Variants in SMCHD1 observed in about 807,000 individuals in gnomAD.
The protein encoded by SMCHD1 is structural maintenance of chromosomes flexible hinge domain containing 1.
Under a neutral mutation model 254.7 loss-of-function variants are expected in SMCHD1, and 78 were observed. That is an observed-to-expected ratio of 0.31 (90% CI 0.26 to 0.37). The LOEUF is 0.37. Ranked by LOEUF, SMCHD1 falls within the 10% of genes least tolerant of loss-of-function variation. The pLI is 1.00. For missense variants in SMCHD1, 1,840 were observed against 2,408.1 expected, an observed-to-expected ratio of 0.76 and a Z score of 4.94; for synonymous variants, 766 against 794.9, an observed-to-expected ratio of 0.96 and a Z score of 0.61.
chr18:2,795,724 G>T (rs947936021), intron 45 of SMCHD1, among the ~76,000 whole-genome samples: 2 of 152,194 alleles, frequency 1.3e-5, no homozygotes, highest in South Asian at 2.1e-4. Flanking sequence ...CCCTGACACA[G>T]AAGTAAACTT....
At position 2,697,094 on chromosome 18, in the gene SMCHD1, T is replaced by A. The variant is rs2074300771; in HGVS notation, c.1103T>A (p.Val368Asp). 6.7e-7 allele frequency: 1 copy of A among 1,500,912 alleles called. No individual in the cohort carries two copies. Among genetic ancestry groups the A allele is most frequent in the African/African-American group, 1.4e-5 (1 of 71,192 alleles). The allele number at this position is 1,500,912 out of a possible 1,614,324, so 93.0% of individuals were successfully genotyped here. Residue 368 changes from valine to aspartate, a missense_variant, in exon 9 of 48, where the codon GTT becomes GAT. Val to Asp is a radical substitution (Grantham distance 152, BLOSUM62 -3). Coordinates refer to ENST00000320876, the MANE Select transcript of SMCHD1 (RefSeq NM_015295.3). ...AATGAAATACGAACATCAAAAGAAG[T>A]TGAACCTTTCAACAATATTGATATT... ...KGNEIRTSKE[V>D]EPFNNIDIEI...
chr18:2,664,903 CTTTAA>C (rs1351921074), intron 1 of SMCHD1, among the ~76,000 whole-genome samples: 2 of 152,216 alleles, frequency 1.3e-5, no homozygotes, highest in Non-Finnish European at 2.9e-5. Flanking sequence ...TGTTCTTTCC[CTTTAA>C]TTTGTCAGTG....
intron 39 of SMCHD1, 30 bp downstream of exon 39, chr18:2,770,138 TATGCTTTGGGGAATG>T (rs2075951719): frequency 1.3e-6 from 2 of 1,589,466 alleles, no homozygotes; most frequent in African/African-American, 2.7e-5. Flanking sequence ...AGACAAAAAT[TATGCTTTGGGGAATG>T]ATGAGGCAGG....
intron 8 of SMCHD1, 86 bp from the exon 9 acceptor site, chr18:2,696,942 GTAAA>G (rs1321643176): frequency 1.3e-5 from 8 of 613,904 alleles, no homozygotes; most frequent in South Asian, 4.6e-5. Flanking sequence ...TTGATACCTA[GTAAA>G]TAGTGTTAAA....
chr18:2,761,551 T>C (rs1294682152), intron 35 of SMCHD1, among the ~76,000 whole-genome samples: 1 of 152,178 alleles, frequency 6.6e-6, no homozygotes, highest in African/African-American at 2.4e-5. Flanking sequence ...GTGCAGTGGC[T>C]CACGCCTGTA....
intron 34 of SMCHD1, among the ~76,000 whole-genome samples, chr18:2,757,981 A>G (rs1203725885): frequency 6.6e-6 from 1 of 152,192 alleles, no homozygotes; most frequent in Admixed American, 6.5e-5. Flanking sequence ...TGGTAATAGT[A>G]TACCAACTTT....
intron 36 of SMCHD1, among the ~76,000 whole-genome samples, chr18:2,763,175 A>C (rs1470846774): frequency 6.6e-6 from 1 of 152,228 alleles, no homozygotes; most frequent in Non-Finnish European, 1.5e-5. Context: ...TTGTTGGGGT[A>C]AACGGTGCCA....
chr18:2,723,603 T>C (rs748761698), intron 20 of SMCHD1, among the ~76,000 whole-genome samples: 2 of 152,130 alleles, frequency 1.3e-5, no homozygotes, highest in Non-Finnish European at 2.9e-5. Context: ...GGGGTGGGAA[T>C]TGGGGAGGAG....
chr18:2,656,957 A>G (rs544915575), intron 1 of SMCHD1, among the ~76,000 whole-genome samples: 75 of 152,310 alleles, frequency 4.9e-4, no homozygotes, highest in African/African-American at 1.8e-3. Flanking sequence ...TACCCCGTGT[A>G]TTGGTTCGCT....
chr18:2,729,457 A>G (rs903614500), intron 24 of SMCHD1, 48 bp downstream of exon 24: 2 of 1,335,148 alleles, frequency 1.5e-6, no homozygotes, highest in Middle Eastern at 2.7e-4. Context: ...TCTTCATACA[A>G]ATAGTCTTCA....
intron 45 of SMCHD1, among the ~76,000 whole-genome samples, chr18:2,795,308 T>A (rs1390854645): frequency 1.5e-5 from 2 of 137,764 alleles, no homozygotes; most frequent in East Asian, 5.2e-4. Flanking sequence ...CCACCCGCCT[T>A]GGAACCTTGC....
At position 2,789,846 on chromosome 18, in the gene SMCHD1, C is replaced by A. The variant is rs567752185; in HGVS notation, c.5719+5225C>A. Among the ~76,000 whole-genome samples the A allele has an allele frequency of 2.6e-5, 4 of 152,256 alleles. No homozygotes were observed. The South Asian group carries it at 8.3e-4, about 32-fold the overall frequency. ...AAAATGCAAAGGAAATAACTAAGGA[C>A]ACTGTAGAAGCCAGAATGTAGACAG... On this transcript the variant is annotated intron_variant, in intron 45 of 47. Coordinates refer to ENST00000320876, the MANE Select transcript of SMCHD1 (RefSeq NM_015295.3).
intron 5 of SMCHD1, among the ~76,000 whole-genome samples, chr18:2,688,016 C>A (rs1316583148): frequency 6.6e-6 from 1 of 152,196 alleles, no homozygotes; most frequent in Non-Finnish European, 1.5e-5. Context: ...CTCTCCTTTG[C>A]TCTAATTACC....
In SMCHD1 at chr18:2,675,931, C is replaced by T. The variant is rs541514332; in HGVS notation, c.638+1786C>T. Among the ~76,000 whole-genome samples, 43 of 152,296 alleles carry T rather than the reference C, an allele frequency of 2.8e-4. 1 individual carries two copies. In the South Asian group the frequency reaches 6.4e-3, roughly 23 times the overall value. On this transcript the variant is annotated intron_variant, in intron 5 of 47. Coordinates refer to ENST00000320876, the MANE Select transcript of SMCHD1 (RefSeq NM_015295.3). ...TTTTTGCTGCTGGTTTTAGTCTTAG[C>T]TTTATGGGTTTGGTGTCAGTAAACA...
At chr18:2,672,957 A>G (rs1423792874) in intron 3 of SMCHD1, 2 of 506,162 alleles carry the variant, frequency 4.0e-6, no homozygotes, top group Non-Finnish European at 5.1e-6. Context: ...ACTGCAGACT[A>G]TTTGATTTTA....
intron 17 of SMCHD1, among the ~76,000 whole-genome samples, chr18:2,709,141 G>A (rs531970823): frequency 2.7e-4 from 40 of 149,526 alleles, no homozygotes; most frequent in Non-Finnish European, 4.7e-4. Flanking sequence ...CTTTGTGTCT[G>A]GCCTGTTTCG....
chr18:2,739,297 A>C, intron 26 of SMCHD1, 135 bp from the exon 27 acceptor site: 1 of 669,878 alleles, frequency 1.5e-6, no homozygotes, highest in Admixed American at 3.0e-5. Flanking sequence ...ATATAAATTA[A>C]ACAGTTATTT....
At chr18:2,730,988 T>C (rs1272478561) in intron 24 of SMCHD1, among the ~76,000 whole-genome samples, 1 of 152,234 alleles carries the variant, frequency 6.6e-6, no homozygotes, top group African/African-American at 2.4e-5. Flanking sequence ...TTAGGACTTT[T>C]GTAAATACTA....
intron 47 of SMCHD1, chr18:2,796,837 CCT>C (rs1598461276): frequency 3.9e-6 from 1 of 258,786 alleles, no homozygotes; most frequent in East Asian, 1.2e-4. Flanking sequence ...CCTGTCTTGG[CCT>C]CTCAAAGTAC....
Sources: gnomAD v4.1 joint callset for allele counts (sites outside exome capture counted in the v4.1 genomes callset) on GRCh38, gnomAD v4.1.1 for gene constraint, MANE v1.5 for transcripts, NCBI Gene and HGNC (gene_info 2026-07-23, HGNC 2026-07-21) for gene names.